CDKL4: variants seen among roughly 807,000 people sequenced by gnomAD.
CDKL4 encodes cyclin dependent kinase like 4, also known as cyclin-dependent kinase-like 4.
In CDKL4, 44 loss-of-function variants were observed where a neutral mutation model predicts 42.0. The ratio of observed to expected loss-of-function variants is 1.05; its 90% CI spans 0.82 to 1.35. CDKL4 has a LOEUF of 1.35. Ranked by LOEUF, CDKL4 falls within the 40% of genes most tolerant of loss-of-function variation. The pLI is 0.00. For missense variants in CDKL4, 393 were observed against 369.9 expected, an observed-to-expected ratio of 1.06 and a Z score of -0.51; for synonymous variants, 120 against 121.6, an observed-to-expected ratio of 0.99 and a Z score of 0.09.
intron 2 of CDKL4, 22 bp downstream of exon 2, chr2:39,229,343 C>T (rs1444173328): frequency 2.7e-6 from 4 of 1,460,844 alleles, no homozygotes. Context: ...TGATATTTTA[C>T]ATATATATAA....
intron 2 of CDKL4, among the ~76,000 whole-genome samples, chr2:39,226,447 A>ATATATATATTATATTTAT (rs1678731084): frequency 7.4e-6 from 1 of 135,252 alleles, no homozygotes; most frequent in African/African-American, 2.7e-5. Flanking sequence ...TATATATATT[A>ATATATATATTATATTTAT]TATATATATT....
the CDKL4 span, among the ~76,000 whole-genome samples, chr2:39,168,023 G>C: frequency 6.6e-6 from 1 of 152,034 alleles, no homozygotes; most frequent in East Asian, 1.9e-4. Flanking sequence ...ACATAGTCAA[G>C]TTATATATAC....
intron 3 of CDKL4, among the ~76,000 whole-genome samples, chr2:39,218,665 G>C (rs1005049740): frequency 2.0e-5 from 3 of 152,140 alleles, no homozygotes; most frequent in African/African-American, 7.2e-5. Context: ...ACAACAAAAC[G>C]GTAGGGGAAG....
chr2:39,178,752 G>T, intron 9 of CDKL4: 1 of 1,602,316 alleles, frequency 6.2e-7, no homozygotes, highest in Non-Finnish European at 8.5e-7. Context: ...GGCAGACTTA[G>T]GTGCCTGCTG....
chr2:39,185,119 T>C lies in CDKL4; in HGVS notation c.736-472A>G, dbSNP rs540722452. Among the ~76,000 whole-genome samples the C allele has an allele frequency of 8.5e-4, 117 of 137,828 alleles. 2 individuals carry two copies. Among genetic ancestry groups the C allele is most frequent in the African/African-American group, 2.5e-3 (90 of 35,998 alleles). The allele number at this position is 137,828 out of a possible 152,430, so 90.4% of individuals were successfully genotyped here. Reference sequence around the variant, plus strand: ...ATAATTCATTTTAAATATATATATATACACACACATATATATACATATATA... The same window carrying C: ...ATAATTCATTTTAAATATATATATACACACACACATATATATACATATATA... On this transcript the variant is annotated intron_variant, in intron 7 of 9. Transcript: ENST00000451199.
Position 39,175,739 on chromosome 2 carries a change from C to A in CDKL4, c.*256G>T, listed in dbSNP as rs969974131. ...TCCATATAGATAGCCTCGGGAGGGG[C>A]TGCTCTGATGAAATTGAAAATGTCT... On this transcript the variant is annotated 3_prime_UTR_variant, in exon 10 of 10. Transcript: ENST00000451199. 7.1e-5 allele frequency: 16 copies of A among 224,352 alleles called. No individual in the cohort carries two copies. In the East Asian group the frequency reaches 1.7e-3, roughly 24 times the overall value. The allele number at this position is 224,352 out of a possible 1,614,324, so 13.9% of individuals were successfully genotyped here. A position where few individuals can be genotyped will look rare whatever the true frequency, so the allele number is the denominator to read the frequency against.
At chr2:39,241,157 T>G (rs1322293107) in intron 1 of CDKL4, among the ~76,000 whole-genome samples, 1 of 152,224 alleles carries the variant, frequency 6.6e-6, no homozygotes, top group East Asian at 1.9e-4. Flanking sequence ...TGTGATTATA[T>G]AAGAAAATGT....
chr2:39,172,418 G>A (rs1675026196), downstream of CDKL4, among the ~76,000 whole-genome samples: 1 of 152,180 alleles, frequency 6.6e-6, no homozygotes, highest in East Asian at 1.9e-4. Context: ...AAGGGTGTGA[G>A]AGAATTTGTG....
At chr2:39,244,392 C>G (rs2148418320), upstream of CDKL4, among the ~76,000 whole-genome samples, 1 of 152,380 alleles carries the variant, frequency 6.6e-6, no homozygotes, top group East Asian at 1.9e-4. Context: ...TCTGCCGACC[C>G]CGGGCAATGA....
chr2:39,179,015 A>G, intron 9 of CDKL4, 172 bp downstream of exon 9: 1 of 1,458,796 alleles, frequency 6.9e-7, no homozygotes, highest in Non-Finnish European at 9.0e-7. Context: ...ATATTTTCAT[A>G]GTTCTATGGT....
upstream of CDKL4, among the ~76,000 whole-genome samples, chr2:39,245,979 G>A (rs1415206130): frequency 6.6e-6 from 1 of 152,202 alleles, no homozygotes; most frequent in East Asian, 1.9e-4. Context: ...GCTCTGTGGA[G>A]ATAATGTATT....
Position 39,220,976 on chromosome 2 carries a change from CTTTTTTTTTT to C in CDKL4, c.290+4853_290+4862del, listed in dbSNP as rs1157655136. ...AATCCGCATTCACTACATCGACGAT[CTTTTTTTTTT>C]TTTTTTTTTTTTTTGTTTTTTTTTT... On this transcript the variant is annotated intron_variant, in intron 3 of 9. Coordinates refer to ENST00000451199, the Ensembl canonical transcript of CDKL4. Among the ~76,000 whole-genome samples the C allele has an allele frequency of 3.7e-4, 18 of 49,142 alleles. No individual in the cohort carries two copies. In the East Asian group the frequency reaches 4.9e-3, roughly 13 times the overall value. The allele number at this position is 49,142 out of a possible 152,430, so 32.2% of individuals were successfully genotyped here.
At chr2:39,173,845 T>C (rs545299124), downstream of CDKL4, among the ~76,000 whole-genome samples, 1 of 144,334 alleles carries the variant, frequency 6.9e-6, no homozygotes, top group African/African-American at 2.6e-5. Context: ...TAGCTGGGCA[T>C]GGTGGCATGT....
intron 4 of CDKL4, among the ~76,000 whole-genome samples, chr2:39,210,753 G>A (rs1182733888): frequency 6.6e-6 from 1 of 152,092 alleles, no homozygotes; most frequent in African/African-American, 2.4e-5. Context: ...ATAGCATGGT[G>A]GAAAGCAACA....
At chr2:39,228,222 C>T (rs1039816401) in intron 2 of CDKL4, among the ~76,000 whole-genome samples, 1 of 152,154 alleles carries the variant, frequency 6.6e-6, no homozygotes, top group Non-Finnish European at 1.5e-5. Context: ...TTGGTTCAGA[C>T]CCGCCCTGCA....
At chr2:39,195,408 T>C (rs1676447281) in intron 5 of CDKL4, among the ~76,000 whole-genome samples, 1 of 152,206 alleles carries the variant, frequency 6.6e-6, no homozygotes, top group Non-Finnish European at 1.5e-5. Context: ...TGCACCATTG[T>C]ACTTTCCCAC....
intron 5 of CDKL4, among the ~76,000 whole-genome samples, chr2:39,202,809 T>A (rs1176773058): frequency 6.6e-6 from 1 of 152,206 alleles, no homozygotes. Context: ...TTTTATCACA[T>A]AATGGGACCC....
At chr2:39,213,591 G>A in intron 3 of CDKL4, 119 bp from the exon 4 acceptor site, 2 of 516,484 alleles carry the variant, frequency 3.9e-6, no homozygotes, top group Admixed American at 3.3e-5. Flanking sequence ...CATGCGGAAG[G>A]GTCCTAAAAA....
At chr2:39,243,762 C>G (rs957981423) in intron 1 of CDKL4, among the ~76,000 whole-genome samples, 109 bp downstream of exon 1, 1 of 152,264 alleles carries the variant, frequency 6.6e-6, no homozygotes, top group Non-Finnish European at 1.5e-5. Flanking sequence ...TTTCGGGGAA[C>G]TTTTCTTGGT....
Sources: gnomAD v4.1 joint callset for allele counts (sites outside exome capture counted in the v4.1 genomes callset) on GRCh38, gnomAD v4.1.1 for gene constraint, MANE v1.5 for transcripts, NCBI Gene and HGNC (gene_info 2026-07-23, HGNC 2026-07-21) for gene names.